Variants in KIF13B observed in about 807,000 individuals in gnomAD.
KIF13B encodes kinesin-like protein KIF13B.
A neutral mutation model predicts 222.0 loss-of-function variants in KIF13B; 127 were observed. The ratio of observed to expected loss-of-function variants is 0.57; its 90% CI spans 0.50 to 0.66. The LOEUF (loss-of-function observed/expected upper bound fraction) is 0.66. Among genes scored for constraint, KIF13B ranks in the 30% least tolerant of loss-of-function variants. KIF13B has a pLI of 0.00. For missense variants in KIF13B, 2,173 were observed against 2,379.0 expected, an observed-to-expected ratio of 0.91 and a Z score of 1.80; for synonymous variants, 976 against 919.0, an observed-to-expected ratio of 1.06 and a Z score of -1.12.
At chr8:29,184,690 G>A (rs1164025071) in intron 6 of KIF13B, among the ~76,000 whole-genome samples, 1 of 152,160 alleles carries the variant, frequency 6.6e-6, no homozygotes, top group Non-Finnish European at 1.5e-5. Flanking sequence ...ACTAAAGACT[G>A]TACATGTGCA....
intron 13 of KIF13B, among the ~76,000 whole-genome samples, chr8:29,156,307 G>A (rs1179386856): frequency 6.6e-6 from 1 of 152,092 alleles, no homozygotes; most frequent in Admixed American, 6.6e-5. Flanking sequence ...GCCAGGCATG[G>A]TTGAAACAAA....
intron 38 of KIF13B, among the ~76,000 whole-genome samples, chr8:29,073,842 A>C (rs1807427777): frequency 6.6e-6 from 1 of 152,156 alleles, no homozygotes; most frequent in South Asian, 2.1e-4. Flanking sequence ...ACCTCTTGAG[A>C]TTAACAGCCC....
At chr8:29,215,544 T>G (rs2130497335) in intron 2 of KIF13B, among the ~76,000 whole-genome samples, 1 of 152,176 alleles carries the variant, frequency 6.6e-6, no homozygotes, top group African/African-American at 2.4e-5. Context: ...CTTTTTTAAT[T>G]AGCCAGGCAC....
chr8:29,118,363 C>T (rs1449172480), intron 30 of KIF13B, among the ~76,000 whole-genome samples: 1 of 151,056 alleles, frequency 6.6e-6, no homozygotes. Context: ...GGCATGGTGG[C>T]GCACACTTAT....
At chr8:29,194,918 T>C (rs1416690178) in intron 3 of KIF13B, among the ~76,000 whole-genome samples, 1 of 152,106 alleles carries the variant, frequency 6.6e-6, no homozygotes, top group Non-Finnish European at 1.5e-5. Flanking sequence ...GGTTCCTTCA[T>C]ATCTTCACTG....
chr8:29,110,150 C>T, intron 32 of KIF13B, 80 bp from the exon 33 acceptor site: 2 of 1,194,542 alleles, frequency 1.7e-6, no homozygotes, highest in Non-Finnish European at 2.4e-6. Flanking sequence ...CACAGACACA[C>T]AGAACGTATT....
chr8:29,223,980 G>T (rs1054393377), intron 2 of KIF13B, among the ~76,000 whole-genome samples: 1 of 147,316 alleles, frequency 6.8e-6, no homozygotes, highest in East Asian at 2.0e-4. Flanking sequence ...CGTGAGCCAC[G>T]GCGCCCAGCC....
chr8:29,103,992 C>A (rs1023963294), intron 35 of KIF13B, among the ~76,000 whole-genome samples: 1 of 152,074 alleles, frequency 6.6e-6, no homozygotes, highest in Non-Finnish European at 1.5e-5. Flanking sequence ...GAAATGGTCT[C>A]CCCCCATCCT....
intron 12 of KIF13B, among the ~76,000 whole-genome samples, chr8:29,161,520 A>C (rs986469773): frequency 2.0e-5 from 3 of 152,048 alleles, no homozygotes; most frequent in African/African-American, 7.2e-5. Flanking sequence ...GCCTGGTGAA[A>C]CCCCATCTCT....
intron 3 of KIF13B, among the ~76,000 whole-genome samples, chr8:29,193,891 C>T (rs112329203): frequency 4.7e-4 from 71 of 152,248 alleles, no homozygotes; most frequent in African/African-American, 1.5e-3. Context: ...GATCTCAGCT[C>T]ACCGCAAGCT....
intron 21 of KIF13B, among the ~76,000 whole-genome samples, chr8:29,135,405 C>T (rs1810512621): frequency 1.3e-5 from 2 of 152,166 alleles, no homozygotes; most frequent in South Asian, 4.1e-4. Context: ...ACTTCTCCAA[C>T]TACGAAGAAA....
At chr8:29,167,626 G>T (rs1453309775) in intron 10 of KIF13B, 41 bp from the exon 11 acceptor site, 6 of 1,501,612 alleles carry the variant, frequency 4.0e-6, no homozygotes, top group Non-Finnish European at 5.6e-6. Context: ...TATTAAAGTT[G>T]GAAGAAGACG....
intron 37 of KIF13B, among the ~76,000 whole-genome samples, chr8:29,080,422 G>A (rs1450783534): frequency 2.0e-5 from 3 of 152,178 alleles, no homozygotes; most frequent in African/African-American, 7.2e-5. Context: ...CTGACCAGGG[G>A]CCTGGAAGAG....
Position 29,070,720 on chromosome 8 carries a change from G to C in KIF13B, c.5265C>G (p.Asn1755Lys). The C allele has an allele frequency of 6.4e-7, 1 of 1,563,842 alleles. No homozygotes were observed. Among genetic ancestry groups the C allele is most frequent in the Non-Finnish European group, 8.7e-7 (1 of 1,154,822 alleles). ...SIGGKQYFRC[N>K]PGYGLLVRPS... is the part of the protein sequence containing the mutation. ...GCCTGACCAGCAGCCCGTAGCCAGG[G>C]TTACACCTGAAGTACTGCTTCCCGC... Residue 1755 changes from asparagine to lysine, a missense_variant, in exon 40 of 40, where the codon AAC becomes AAG. Transcript: ENST00000524189. The surrounding 1 kb of genome is among the most constrained non-coding windows in gnomAD (Gnocchi z 4.1).
At chr8:29,093,021 T>G (rs1389883674) in intron 36 of KIF13B, 143 bp from the exon 37 acceptor site, 4 of 757,522 alleles carry the variant, frequency 5.3e-6, no homozygotes, top group African/African-American at 1.8e-5. Flanking sequence ...AACACAGTAT[T>G]ATTGTAGTTT....
chr8:29,123,495 A>G lies in KIF13B; in HGVS notation c.3353-3T>C. On this transcript the variant is annotated splice_polypyrimidine_tract_variant and splice_region_variant and intron_variant, in intron 27 of 39. Coordinates refer to ENST00000524189, the MANE Select transcript of KIF13B (RefSeq NM_015254.4). ...GTCAGCATCATCCTCTGTTTTATCT[A>G]GAACATCGAGAATGAGGATTCAATG... 1 of 1,613,736 alleles carries G rather than the reference A, an allele frequency of 6.2e-7. No individual in the cohort carries two copies. The highest frequency in any genetic ancestry group is 1.3e-5 in the African/African-American group (1 of 75,078).
At chr8:29,151,380 A>T (rs1409245815) in intron 14 of KIF13B, among the ~76,000 whole-genome samples, 1 of 152,204 alleles carries the variant, frequency 6.6e-6, no homozygotes, top group Non-Finnish European at 1.5e-5. Context: ...CACTGATGAG[A>T]TTTTTGATGT....
intron 18 of KIF13B, among the ~76,000 whole-genome samples, 153 bp from the exon 19 acceptor site, chr8:29,142,456 T>C (rs1321260365): frequency 3.3e-5 from 5 of 152,196 alleles, no homozygotes; most frequent in African/African-American, 1.2e-4. Flanking sequence ...CAAAAAGTCT[T>C]ACAAGCTATA....
At chr8:29,109,268 C>T (rs1047085861) in intron 34 of KIF13B, among the ~76,000 whole-genome samples, 166 bp downstream of exon 34, 1 of 152,158 alleles carries the variant, frequency 6.6e-6, no homozygotes, top group Non-Finnish European at 1.5e-5. Flanking sequence ...GGAACAGGGG[C>T]AGAGGTGCAC....
Sources: allele counts gnomAD v4.1 joint callset (sites outside exome capture counted in the v4.1 genomes callset), GRCh38; gene constraint gnomAD v4.1.1; non-coding constraint Gnocchi (gnomAD v3.1); transcripts MANE v1.5; gene names NCBI Gene and HGNC (gene_info 2026-07-23, HGNC 2026-07-21).